Variants in PYGB observed in about 807,000 individuals in gnomAD.
PYGB encodes glycogen phosphorylase, brain form.
PYGB carries 82 observed loss-of-function variants against 94.3 expected under a neutral mutation model. The observed-to-expected ratio is 0.87, with a 90% CI of 0.73 to 1.04. The LOEUF (loss-of-function observed/expected upper bound fraction) is 1.04, where lower values mean the gene tolerates loss of function less well. Among genes scored for constraint, PYGB ranks in the 50% least tolerant of loss-of-function variants. The pLI is 0.00. For synonymous variants in PYGB, 488 were observed against 479.1 expected, an observed-to-expected ratio of 1.02 and a Z score of -0.24; for missense variants, 1,132 against 1,158.2, an observed-to-expected ratio of 0.98 and a Z score of 0.33.
intron 15 of PYGB, among the ~76,000 whole-genome samples, 170 bp from the exon 16 acceptor site, chr20:25,290,311 G>T (rs1019047966): frequency 1.3e-5 from 2 of 152,230 alleles, no homozygotes; most frequent in Non-Finnish European, 2.9e-5. Context: ...GTGCGCAGCA[G>T]AGCTGGGGCC....
At chr20:25,284,890 A>C (rs1376833575) in intron 14 of PYGB, 2 of 152,256 alleles carry the variant, frequency 1.3e-5, no homozygotes, top group South Asian at 4.1e-4. Context: ...TTATGAGACA[A>C]ACATGAAACA....
chr20:25,255,684 G>C (rs919862411), intron 1 of PYGB, among the ~76,000 whole-genome samples: 1 of 152,102 alleles, frequency 6.6e-6, no homozygotes. Context: ...TTTCAGACCA[G>C]ATCTGCCTGT....
chr20:25,287,706 G>A (rs774732401), intron 14 of PYGB, among the ~76,000 whole-genome samples: 15 of 152,052 alleles, frequency 9.9e-5, no homozygotes, highest in Admixed American at 4.6e-4. Context: ...AGTGCGAGGC[G>A]CGGTAGCTCA....
chr20:25,287,909 A>C (rs1216602689), intron 14 of PYGB, among the ~76,000 whole-genome samples: 1 of 152,050 alleles, frequency 6.6e-6, no homozygotes, highest in Non-Finnish European at 1.5e-5. Flanking sequence ...TGAACCTGGA[A>C]GGTAGAGGCT....
At position 25,248,142 on chromosome 20, in the gene PYGB, C is replaced by T; in HGVS notation, c.-37C>T. ...CGGCGTTCGCGTGTGCCGCCGCTTT[C>T]CTCCTCCATCTCTTTTCCTCCGCCT... On this transcript the variant is annotated 5_prime_UTR_variant, in exon 1 of 20. Transcript: ENST00000216962. 1 of 1,547,796 alleles carries T rather than the reference C, an allele frequency of 6.5e-7. No individual in the cohort carries two copies. Among genetic ancestry groups the T allele is most frequent in the Admixed American group, 1.8e-5 (1 of 54,184 alleles).
rs2088314217 is a variant in PYGB at position 25,276,654 on chromosome 20, G to A, written c.669G>A (p.Leu223=). 6.2e-7 allele frequency: 1 copy of A among 1,613,558 alleles called. No homozygotes were observed. The highest frequency in any genetic ancestry group is 1.7e-5 in the Admixed American group (1 of 59,990). Residue 223 remains leucine, a synonymous_variant, in exon 6 of 20, where the codon CTG becomes CTA. Coordinates refer to ENST00000216962, the MANE Select transcript of PYGB (RefSeq NM_002862.4). ...ACCCGTTTTGTGGCCAGGTGGTGCT[G>A]GCCATGCCCTACGACACCCCAGTGC... ...GVKWLDTQVV[L]AMPYDTPVPG... is the part of the protein sequence containing the mutation.
intron 1 of PYGB, among the ~76,000 whole-genome samples, chr20:25,256,144 G>A (rs765085421): frequency 6.6e-6 from 1 of 152,106 alleles, no homozygotes; most frequent in Non-Finnish European, 1.5e-5. Flanking sequence ...CTTCAGAAAA[G>A]GGAGAAAAAA....
intron 3 of PYGB, among the ~76,000 whole-genome samples, chr20:25,270,369 A>AT (rs2123547334): frequency 6.6e-6 from 1 of 151,534 alleles, no homozygotes; most frequent in South Asian, 2.1e-4. Flanking sequence ...TGCCTGGCTA[A>AT]TTTTTTGTAT....
At chr20:25,286,603 G>A (rs2088420184) in intron 14 of PYGB, among the ~76,000 whole-genome samples, 1 of 152,138 alleles carries the variant, frequency 6.6e-6, no homozygotes, top group Non-Finnish European at 1.5e-5. Flanking sequence ...CTCCAAGGCA[G>A]CTCCTCTGCT....
chr20:25,291,364 C>T (rs1183671370), intron 16 of PYGB, among the ~76,000 whole-genome samples: 1 of 152,188 alleles, frequency 6.6e-6, no homozygotes, highest in African/African-American at 2.4e-5. Flanking sequence ...CTCGTGCTCC[C>T]CTCCTGCCGC....
chr20:25,285,918 C>CTTGTTGTT (rs2088414132), intron 14 of PYGB, among the ~76,000 whole-genome samples: 1 of 152,214 alleles, frequency 6.6e-6, no homozygotes, highest in Non-Finnish European at 1.5e-5. Flanking sequence ...GAACAACCTT[C>CTTGTTGTT]CCGAGTTCTT....
At position 25,276,631 on chromosome 20, in the gene PYGB, C is replaced by T. The variant is rs200174923; in HGVS notation, c.661-15C>T. 1.6e-5 allele frequency: 26 copies of T among 1,610,294 alleles called. No individual in the cohort carries two copies. The highest frequency in any genetic ancestry group is 2.1e-5 in the Non-Finnish European group (25 of 1,177,262). ...CCCTTGCCACTCCGTCCTGAGCAAC[C>T]CGTTTTGTGGCCAGGTGGTGCTGGC... On this transcript the variant is annotated splice_polypyrimidine_tract_variant and intron_variant, in intron 5 of 19. Coordinates refer to ENST00000216962, the MANE Select transcript of PYGB (RefSeq NM_002862.4).
At chr20:25,272,915 G>A (rs2088279765) in intron 4 of PYGB, among the ~76,000 whole-genome samples, 1 of 152,222 alleles carries the variant, frequency 6.6e-6, no homozygotes, top group African/African-American at 2.4e-5. Context: ...AGGTATTGGT[G>A]GTGGTTTTTG....
intron 1 of PYGB, among the ~76,000 whole-genome samples, chr20:25,258,593 C>T (rs756636519): frequency 2.0e-5 from 3 of 152,222 alleles, no homozygotes; most frequent in Non-Finnish European, 4.4e-5. Context: ...GCACCTAGAA[C>T]CCCGCTCAGG....
intron 8 of PYGB, 126 bp downstream of exon 8, chr20:25,278,588 C>T (rs904057494): frequency 2.2e-5 from 29 of 1,333,316 alleles, no homozygotes; most frequent in African/African-American, 1.5e-4. Context: ...CTTGGGGTCT[C>T]GTCATTCTGG....
intron 19 of PYGB, 48 bp downstream of exon 19, chr20:25,295,718 T>C (rs749245533): frequency 5.9e-6 from 9 of 1,534,838 alleles, no homozygotes; most frequent in Admixed American, 1.7e-5. Context: ...GGTGGGTCCA[T>C]GTAGACGTGT....
In PYGB at chr20:25,284,159, A is replaced by G. The variant is rs201919493; in HGVS notation, c.1676A>G (p.Asn559Ser). The G allele has an allele frequency of 4.3e-6, 7 of 1,613,836 alleles. No individual in the cohort carries two copies. Among genetic ancestry groups the G allele is most frequent in the African/African-American group, 1.3e-5 (1 of 74,848 alleles). The change falls in exon 14 of 20, where the codon AAC becomes AGC. Residue 559 changes from asparagine to serine, a missense_variant. Transcript: ENST00000216962. ...FLEKEYKVKINPSSMFDVHVK... is the reference protein window; with the variant it reads ...FLEKEYKVKISPSSMFDVHVK... Reference sequence around the variant, plus strand: ...GAGAAGGAGTACAAGGTGAAGATCAACCCCTCCTCCATGTTCGATGTGCAT... The same window carrying G: ...GAGAAGGAGTACAAGGTGAAGATCAGCCCCTCCTCCATGTTCGATGTGCAT...
intron 14 of PYGB, 129 bp from the exon 15 acceptor site, chr20:25,288,296 C>A: frequency 1.9e-6 from 2 of 1,066,354 alleles, no homozygotes; most frequent in Non-Finnish European, 2.9e-6. Context: ...ACCCGTGTCT[C>A]TGGGGCTTGA....
At position 25,275,142 on chromosome 20, in the gene PYGB, C is replaced by T. The variant is rs537642364; in HGVS notation, c.660+419C>T. Among the ~76,000 whole-genome samples the T allele has an allele frequency of 5.9e-5, 9 of 152,368 alleles. No homozygotes were observed. In the South Asian group the frequency reaches 6.2e-4, roughly 11 times the overall value. On this transcript the variant is annotated intron_variant, in intron 5 of 19. Coordinates refer to ENST00000216962, the MANE Select transcript of PYGB (RefSeq NM_002862.4). ...ATCTCTGTGGAGCACACGACAAGCT[C>T]GCTTGGCCTCCTGGCGCCATACGTG...
Sources: gnomAD v4.1 joint callset for allele counts (sites outside exome capture counted in the v4.1 genomes callset) on GRCh38, gnomAD v4.1.1 for gene constraint, MANE v1.5 for transcripts, NCBI Gene and HGNC (gene_info 2026-07-23, HGNC 2026-07-21) for gene names.